The following CDH4 variants were observed in gnomAD, a reference collection of about 807,000 sequenced individuals.
The protein encoded by CDH4 is cadherin-4.
Under a neutral mutation model 86.0 loss-of-function variants are expected in CDH4, and 33 were observed. That is an observed-to-expected ratio of 0.38 (90% CI 0.29 to 0.51). The LOEUF (loss-of-function observed/expected upper bound fraction) is 0.51, where lower values mean the gene tolerates loss of function less well. Among genes scored for constraint, CDH4 ranks in the 20% least tolerant of loss-of-function variants. The probability of loss-of-function intolerance (pLI) is 0.86; values close to 1 mark genes in which losing one functional copy is unlikely to be tolerated. For missense variants in CDH4, 1,114 were observed against 1,307.4 expected (o/e 0.85, Z 2.28); for synonymous variants, 555 against 549.4 (o/e 1.01, Z -0.14).
At chr20:61,330,313 G>C (rs4812302) in intron 2 of CDH4, among the ~76,000 whole-genome samples, 2 of 151,776 alleles carry the variant, frequency 1.3e-5, no homozygotes, top group African/African-American at 4.8e-5. Context: ...ACAATGGTTG[G>C]ACTAATTTAC....
intron 2 of CDH4, among the ~76,000 whole-genome samples, chr20:61,539,977 G>A (rs568533187): frequency 6.4e-4 from 98 of 152,276 alleles, no homozygotes; most frequent in African/African-American, 1.9e-3. Context: ...GCTTCCCACC[G>A]TTCTCCTCCC....
intron 4 of CDH4, among the ~76,000 whole-genome samples, chr20:61,793,475 T>C (rs1979326099): frequency 6.6e-6 from 1 of 152,112 alleles, no homozygotes; most frequent in Non-Finnish European, 1.5e-5. Context: ...TTGAGAAACA[T>C]CGCTCTGGGA....
intron 7 of CDH4, among the ~76,000 whole-genome samples, chr20:61,884,269 G>T (rs1162805387): frequency 6.6e-6 from 1 of 152,204 alleles, no homozygotes; most frequent in Non-Finnish European, 1.5e-5. Context: ...TGAGGCAGCT[G>T]CACGTCACTG....
At chr20:61,438,352 AGT>A (rs1391153210) in intron 2 of CDH4, among the ~76,000 whole-genome samples, 1 of 152,210 alleles carries the variant, frequency 6.6e-6, no homozygotes, top group Non-Finnish European at 1.5e-5. Context: ...GTGCAATTTG[AGT>A]GTGTTTTTTC....
chr20:61,274,994 G>GCA (rs2084219145), intron 2 of CDH4, among the ~76,000 whole-genome samples: 1 of 147,456 alleles, frequency 6.8e-6, no homozygotes. Context: ...AGTACTATGT[G>GCA]CAGTTTGGGG....
intron 1 of CDH4, among the ~76,000 whole-genome samples, chr20:61,253,727 C>A (rs751913835): frequency 3.9e-5 from 6 of 152,150 alleles, no homozygotes; most frequent in Non-Finnish European, 7.4e-5. Context: ...TCCCTCGGTG[C>A]TGGGGGTAGA....
rs11904976 is a variant in CDH4, at chr20:61,518,747, A to G, written c.170-224816A>G. ...TCATCCACCCATCATCCATTCATCC[A>G]TCCATTCGTACATCCACCCATCATC... On this transcript the variant is annotated intron_variant, in intron 2 of 15. Coordinates refer to ENST00000614565, the MANE Select transcript of CDH4 (RefSeq NM_001794.5). The surrounding 1 kb of genome is among the most constrained non-coding windows in gnomAD (Gnocchi z 6.3). Among the ~76,000 whole-genome samples the G allele has an allele frequency of 0.041, 6,185 of 150,496 alleles. 387 individuals carry two copies. Among genetic ancestry groups the G allele is most frequent in the African/African-American group, 0.14 (5,784 of 40,844 alleles).
chr20:61,576,341 G>A (rs1232616515), intron 2 of CDH4, among the ~76,000 whole-genome samples: 2 of 152,132 alleles, frequency 1.3e-5, no homozygotes, highest in African/African-American at 4.8e-5. Flanking sequence ...GCAGCTGGCA[G>A]GTCAGGGTTA....
chr20:61,416,208 G>T (rs1172929662), intron 2 of CDH4, among the ~76,000 whole-genome samples: 2 of 150,620 alleles, frequency 1.3e-5, no homozygotes, highest in Admixed American at 6.6e-5. Context: ...CACCATGTTG[G>T]CCAGGCTGGT....
At chr20:61,571,752 CCCTCCCCTT>C in intron 2 of CDH4, among the ~76,000 whole-genome samples, 1 of 144,936 alleles carries the variant, frequency 6.9e-6, no homozygotes, top group South Asian at 2.4e-4. Context: ...CTCACTCTTT[CCCTCCCCTT>C]CCCACCCTTC....
At position 61,517,676 on chromosome 20, in the gene CDH4, G is replaced by A. The variant is rs1254743165; in HGVS notation, c.170-225887G>A. On this transcript the variant is annotated intron_variant, in intron 2 of 15. Coordinates refer to ENST00000614565, the MANE Select transcript of CDH4 (RefSeq NM_001794.5). This position sits in a 1 kb window ranked among gnomAD's most constrained non-coding sequence, Gnocchi z 6.6. ...GGCAGCGCCGCTGTAGGACCATGGA[G>A]GGAATGAACAAGGAGGGGTTGTCGG... is the stretch of plus-strand genomic sequence containing the variant. Among the ~76,000 whole-genome samples the A allele has an allele frequency of 1.4e-5, 2 of 147,624 alleles. No individual in the cohort carries two copies. Among genetic ancestry groups the A allele is most frequent in the African/African-American group, 5.1e-5 (2 of 39,110 alleles).
chr20:61,750,696 A>G (rs577566842), intron 3 of CDH4, among the ~76,000 whole-genome samples: 3 of 152,218 alleles, frequency 2.0e-5, no homozygotes, highest in African/African-American at 7.2e-5. Context: ...AATGAAACTG[A>G]CATTATTTGT....
intron 2 of CDH4, among the ~76,000 whole-genome samples, chr20:61,492,281 TGGTGGTGTTGATGTTGGTGTTGATGTA>T (rs1568863830): frequency 6.6e-6 from 1 of 151,674 alleles, no homozygotes; most frequent in Non-Finnish European, 1.5e-5. Flanking sequence ...TTGTTGATGT[TGGTGGTGTTGATGTTGGTGTTGATGTA>T]GGTGGTGTTG....
At chr20:61,637,097 TTTTG>T (rs544986496) in intron 2 of CDH4, among the ~76,000 whole-genome samples, 31 of 152,226 alleles carry the variant, frequency 2.0e-4, no homozygotes, top group Non-Finnish European at 3.5e-4. Flanking sequence ...TGCTTTTTGC[TTTTG>T]TTTGTTTTTC....
At chr20:61,329,593 A>T (rs1192237396) in intron 2 of CDH4, among the ~76,000 whole-genome samples, 1 of 152,016 alleles carries the variant, frequency 6.6e-6, no homozygotes, top group Non-Finnish European at 1.5e-5. Flanking sequence ...AGTTCCCCCT[A>T]AAACATCAGA....
chr20:61,414,067 GACAT>G (rs2085134111), intron 2 of CDH4, among the ~76,000 whole-genome samples: 1 of 152,158 alleles, frequency 6.6e-6, no homozygotes, highest in Non-Finnish European at 1.5e-5. Context: ...TCCTTAAGAG[GACAT>G]CAGTCCCACT....
At position 61,346,060 on chromosome 20, in the gene CDH4, G is replaced by A. The variant is rs1442993855; in HGVS notation, c.169+91123G>A. The stretch of plus-strand genomic sequence containing the variant: ...CAGTGAGCAGAATAAATGCTCACGC[G>A]GGACAAATTAACCCACGCGGGATAA... On this transcript the variant is annotated intron_variant, in intron 2 of 15. Transcript: ENST00000614565. 6.6e-5 allele frequency among the ~76,000 whole-genome samples: 10 copies of A among 152,204 alleles called. No individual in the cohort carries two copies. In the East Asian group the frequency reaches 1.3e-3, roughly 21 times the overall value.
At chr20:61,933,157 C>T (rs1027932195) in intron 14 of CDH4, 33 bp downstream of exon 14, 7 of 1,604,264 alleles carry the variant, frequency 4.4e-6, no homozygotes, top group South Asian at 1.1e-5. Flanking sequence ...CCTCCCCACG[C>T]GAGGCCGGCT....
At chr20:61,851,082 C>G (rs1049228523) in intron 5 of CDH4, among the ~76,000 whole-genome samples, 2 of 152,206 alleles carry the variant, frequency 1.3e-5, no homozygotes, top group African/African-American at 4.8e-5. Flanking sequence ...GCAGATGGGT[C>G]GGGGATGGGG....
Sources: allele counts gnomAD v4.1 joint callset (sites outside exome capture counted in the v4.1 genomes callset), GRCh38; gene constraint gnomAD v4.1.1; non-coding constraint Gnocchi (gnomAD v3.1); transcripts MANE v1.5; gene names NCBI Gene and HGNC (gene_info 2026-07-23, HGNC 2026-07-21).